Variants in ZNF101 observed in about 807,000 individuals in gnomAD.
The protein encoded by ZNF101 is zinc finger protein 101.
In ZNF101, 34 loss-of-function variants were observed where a neutral mutation model predicts 42.6. The ratio of observed to expected loss-of-function variants is 0.80; its 90% CI spans 0.61 to 1.06. The LOEUF (loss-of-function observed/expected upper bound fraction) is 1.06, where lower values mean the gene tolerates loss of function less well. ZNF101 is among the 50% of genes least tolerant of loss of function. The pLI is 0.00. For synonymous variants in ZNF101, 158 were observed against 183.9 expected, an observed-to-expected ratio of 0.86 and a Z score of 1.14; for missense variants, 466 against 530.9, an observed-to-expected ratio of 0.88 and a Z score of 1.20.
intron 1 of ZNF101, among the ~76,000 whole-genome samples, chr19:19,673,876 C>A (rs936852767): frequency 6.6e-6 from 1 of 151,570 alleles, no homozygotes; most frequent in Non-Finnish European, 1.5e-5. Flanking sequence ...TCACTGCAAC[C>A]TCTGTCTCCT....
At chr19:19,677,474 C>T (rs1037642677) in intron 1 of ZNF101, 6 of 182,036 alleles carry the variant, frequency 3.3e-5, no homozygotes, top group Admixed American at 1.2e-4. Flanking sequence ...TAGCAAAGGT[C>T]GAACTTGGTA....
chr19:19,679,776 A>C lies in ZNF101; in HGVS notation c.787A>C (p.Ile263Leu), dbSNP rs1255556649. The change falls in exon 4 of 4, where the codon ATT becomes CTT. Residue 263 changes from isoleucine to leucine, a missense_variant. Physicochemically the swap from Ile to Leu is conservative, Grantham distance 5. Transcript: ENST00000592502. Reference sequence around the variant, plus strand: ...ATGTAAACAATGTGGTAAAGCCTTCATTTCCGCAGGTTACCTTCGGACACA... The same window carrying C: ...ATGTAAACAATGTGGTAAAGCCTTCCTTTCCGCAGGTTACCTTCGGACACA... ...YKCKQCGKAF[I>L]SAGYLRTHEI... 6.2e-7 allele frequency: 1 copy of C among 1,613,680 alleles called. No individual in the cohort carries two copies. The highest frequency in any genetic ancestry group is 1.1e-5 in the South Asian group (1 of 91,030).
chr19:19,673,233 G>A, intron 1 of ZNF101, among the ~76,000 whole-genome samples: 1 of 148,568 alleles, frequency 6.7e-6, no homozygotes, highest in Non-Finnish European at 1.5e-5. Flanking sequence ...TTACAGATAT[G>A]AGCCAATGTG....
Position 19,680,035 on chromosome 19 carries a change from A to T in ZNF101, c.1046A>T (p.Tyr349Phe), listed in dbSNP as rs201570793. 53 of 1,614,012 alleles carry T rather than the reference A, an allele frequency of 3.3e-5. No individual in the cohort carries two copies. Among genetic ancestry groups the T allele is most frequent in the Non-Finnish European group, 4.2e-5 (50 of 1,180,008 alleles). Residue 349 changes from tyrosine (Y) to phenylalanine (F), a missense_variant, in exon 4 of 4, where the codon TAT becomes TTT. Transcript: ENST00000592502. ...ECNKCGKTFN[Y>F]PSCFRRHKKT... ...AATAAATGTGGTAAAACCTTCAATT[A>T]TCCCAGTTGTTTTCGAAGACATAAA...
At chr19:19,677,522 T>A (rs1414961186) in intron 1 of ZNF101, 1 of 199,296 alleles carries the variant, frequency 5.0e-6, no homozygotes, top group African/African-American at 2.4e-5. Context: ...TCAGGACTGC[T>A]GAAATGAGCG....
chr19:19,668,961 G>C lies in ZNF101; in HGVS notation c.-3G>C, dbSNP rs1373814070. On this transcript the variant is annotated 5_prime_UTR_variant, in exon 1 of 4. Coordinates refer to ENST00000592502, the MANE Select transcript of ZNF101 (RefSeq NM_033204.4). The stretch of plus-strand genomic sequence containing the variant: ...AAGGACCCAGGACACCCGGAAGCCG[G>C]AAATGGTGAGCGTGCGGAGCCGGGC... 6.3e-7 allele frequency: 1 copy of C among 1,590,008 alleles called. No homozygotes were observed. Among genetic ancestry groups the C allele is most frequent in the Non-Finnish European group, 8.6e-7 (1 of 1,168,776 alleles).
chr19:19,669,055 G>C (rs1335203477), intron 1 of ZNF101, 89 bp downstream of exon 1: 1 of 1,503,848 alleles, frequency 6.6e-7, no homozygotes, highest in African/African-American at 1.4e-5. Context: ...CGCGGCGACT[G>C]TGGGGGTCTG....
At chr19:19,672,133 TTA>T (rs993780164) in intron 1 of ZNF101, 1 of 148,256 alleles carries the variant, frequency 6.7e-6, no homozygotes, top group Non-Finnish European at 1.5e-5. Flanking sequence ...AGTTGTATGA[TTA>T]TATATATTTA....
rs553071168 is a variant in ZNF101, at chr19:19,672,548, C to CG, written c.3+3590dup. 5.1e-3 allele frequency among the ~76,000 whole-genome samples: 771 copies of CG among 150,048 alleles called. 5 individuals carry two copies. The highest frequency in any genetic ancestry group is 0.012 in the African/African-American group (481 of 40,800). The stretch of plus-strand genomic sequence containing the variant: ...ATTTTAGAACGGGCTTTTTTTTTGG[C>CG]GGGGGGGGTCTCTGTTGCCCAGGCT... On this transcript the variant is annotated intron_variant, in intron 1 of 3. Transcript: ENST00000592502.
intron 1 of ZNF101, among the ~76,000 whole-genome samples, 175 bp downstream of exon 1, chr19:19,669,141 C>T (rs935980648): frequency 1.3e-5 from 2 of 152,186 alleles, no homozygotes; most frequent in African/African-American, 2.4e-5. Context: ...GCCGCCGGGA[C>T]CCCGGGTGTC....
chr19:19,677,479 T>G (rs2062209020), intron 1 of ZNF101: 1 of 182,956 alleles, frequency 5.5e-6, no homozygotes, highest in African/African-American at 2.4e-5. Flanking sequence ...AAGGTCGAAC[T>G]TGGTAAACAG....
In ZNF101 at chr19:19,682,629, TG is replaced by T. The variant is rs1271828884; in HGVS notation, c.*2330del. 1 of 152,208 alleles carries T rather than the reference TG, an allele frequency of 6.6e-6. No individual in the cohort carries two copies. Among genetic ancestry groups the T allele is most frequent in the Admixed American group, 6.5e-5 (1 of 15,268 alleles). 9.4% of individuals were successfully genotyped at this position (152,208 alleles called of 1,614,324 possible). On this transcript the variant is annotated 3_prime_UTR_variant, in exon 4 of 4. Coordinates refer to ENST00000592502, the MANE Select transcript of ZNF101 (RefSeq NM_033204.4). The stretch of plus-strand genomic sequence containing the variant: ...GTGGTACCTGAGGTTTAATAGGAAG[TG>T]TTTTTATCCTAAGTTAGTTAATAAA...
In ZNF101 at chr19:19,669,528, C is replaced by A. The variant is rs147753018; in HGVS notation, c.3+562C>A. Among the ~76,000 whole-genome samples the A allele has an allele frequency of 5.5e-3, 831 of 152,296 alleles. 11 individuals are homozygous for A. Among genetic ancestry groups the A allele is most frequent in the African/African-American group, 0.019 (783 of 41,554 alleles). On this transcript the variant is annotated intron_variant, in intron 1 of 3. Transcript: ENST00000592502. The stretch of plus-strand genomic sequence containing the variant: ...ATTATTTTTGAGACGGAGTCTCACT[C>A]TGTCGCCCAGGCTGGAGTGCAGTGG...
rs1378188092 is a variant in ZNF101, at chr19:19,680,124, A to G, written c.1135A>G (p.Ser379Gly). 6.2e-7 allele frequency: 1 copy of G among 1,613,962 alleles called. No individual in the cohort carries two copies. Among genetic ancestry groups the G allele is most frequent in the Non-Finnish European group, 8.5e-7 (1 of 1,180,014 alleles). Reference sequence around the variant, plus strand: ...GTGTGGTAAAGCCTTTGGGTGGTGCAGTTCCCTCCGAAGACATGAAATGAC... The same window carrying G: ...GTGTGGTAAAGCCTTTGGGTGGTGCGGTTCCCTCCGAAGACATGAAATGAC... ...TRCGKAFGWC[S>G]SLRRHEMTHT... The change falls in exon 4 of 4, where the codon AGT becomes GGT. Residue 379 changes from serine to glycine, a missense_variant. Physicochemically the swap from Ser to Gly is moderately conservative, Grantham distance 56. Coordinates refer to ENST00000592502, the MANE Select transcript of ZNF101 (RefSeq NM_033204.4).
intron 1 of ZNF101, among the ~76,000 whole-genome samples, chr19:19,669,628 G>T (rs1463899218): frequency 6.6e-6 from 1 of 152,100 alleles, no homozygotes; most frequent in Non-Finnish European, 1.5e-5. Context: ...TGAGTAGCTG[G>T]AATTACAGGT....
intron 2 of ZNF101, 32 bp from the exon 3 acceptor site, chr19:19,678,694 T>C: frequency 6.4e-7 from 1 of 1,552,668 alleles, no homozygotes; most frequent in Non-Finnish European, 8.8e-7. Context: ...TTTTAAATAA[T>C]TCATAATAAT....
intron 3 of ZNF101, 48 bp downstream of exon 3, chr19:19,678,834 G>A: frequency 2.0e-6 from 3 of 1,523,914 alleles, no homozygotes; most frequent in East Asian, 4.5e-5. Flanking sequence ...GGGAATCTTA[G>A]TAGGTCAGGA....
chr19:19,679,370 C>G lies in ZNF101; in HGVS notation c.381C>G (p.His127Gln). The change falls in exon 4 of 4, where the codon CAC (histidine) becomes CAG (glutamine). Residue 127 changes from histidine to glutamine, a missense_variant. Coordinates refer to ENST00000592502, the MANE Select transcript of ZNF101 (RefSeq NM_033204.4). ...LDRHMRAHAGHKRSECGGEWR... is the reference protein window; with the variant it reads ...LDRHMRAHAGQKRSECGGEWR... ...GGCACATGAGAGCTCATGCTGGACACAAACGATCTGAGTGTGGTGGGGAAT... is the reference window on the plus strand; with the variant it reads ...GGCACATGAGAGCTCATGCTGGACAGAAACGATCTGAGTGTGGTGGGGAAT... 1 of 1,614,124 alleles carries G rather than the reference C, an allele frequency of 6.2e-7. No homozygotes were observed. Among genetic ancestry groups the G allele is most frequent in the East Asian group, 2.2e-5 (1 of 44,874 alleles).
chr19:19,668,883 G>T lies in ZNF101; in HGVS notation c.-81G>T, dbSNP rs1041710907. On this transcript the variant is annotated 5_prime_UTR_variant, in exon 1 of 4. Coordinates refer to ENST00000592502, the MANE Select transcript of ZNF101 (RefSeq NM_033204.4). ...TTCCTCGGGGAGCCCCTGGTGCCCCGGATACGGCTGATTTTGTCGTGTGGG... is the reference window on the plus strand; with the variant it reads ...TTCCTCGGGGAGCCCCTGGTGCCCCTGATACGGCTGATTTTGTCGTGTGGG... 6.7e-7 allele frequency: 1 copy of T among 1,496,208 alleles called. No individual in the cohort carries two copies. The highest frequency in any genetic ancestry group is 9.0e-7 in the Non-Finnish European group (1 of 1,110,786). The allele number at this position is 1,496,208 out of a possible 1,614,324, so 92.7% of individuals were successfully genotyped here.
Sources: allele counts gnomAD v4.1 joint callset (sites outside exome capture counted in the v4.1 genomes callset), GRCh38; gene constraint gnomAD v4.1.1; transcripts MANE v1.5; gene names NCBI Gene and HGNC (gene_info 2026-07-23, HGNC 2026-07-21).